The following THEMIS variants were observed in gnomAD, a reference collection of about 807,000 sequenced individuals.
The protein encoded by THEMIS is protein THEMIS.
Under a neutral mutation model 52.6 loss-of-function variants are expected in THEMIS, and 37 were observed. The observed-to-expected ratio is 0.70, with a 90% CI of 0.54 to 0.93. The LOEUF (loss-of-function observed/expected upper bound fraction) is 0.93. Ranked by LOEUF, THEMIS falls within the 40% of genes least tolerant of loss-of-function variation. The probability of loss-of-function intolerance (pLI) is 0.00; values close to 1 mark genes in which losing one functional copy is unlikely to be tolerated. For synonymous variants in THEMIS, 292 were observed against 272.7 expected, an observed-to-expected ratio of 1.07 and a Z score of -0.70; for missense variants, 808 against 763.1, an observed-to-expected ratio of 1.06 and a Z score of -0.69.
intron 1 of THEMIS, among the ~76,000 whole-genome samples, chr6:127,859,489 GT>G (rs144597143): frequency 0.06 from 9,126 of 151,886 alleles, 375 homozygotes; most frequent in Non-Finnish European, 0.093. Context: ...TAGTAAAACA[GT>G]TTTTTTTATC....
intron 4 of THEMIS, among the ~76,000 whole-genome samples, chr6:127,766,393 T>C (rs1222939202): frequency 6.6e-6 from 1 of 152,196 alleles, no homozygotes. Context: ...TTTAAACATG[T>C]TTAATTTGAT....
At chr6:127,806,332 T>C (rs1333228317) in intron 4 of THEMIS, among the ~76,000 whole-genome samples, 1 of 152,192 alleles carries the variant, frequency 6.6e-6, no homozygotes, top group East Asian at 1.9e-4. Context: ...GCTAAAAAAG[T>C]AATACTCAGT....
rs201461312 is a variant in THEMIS, at chr6:127,877,884, C to CA, written c.92-22697dup. Among the ~76,000 whole-genome samples, 534 of 150,082 alleles carry CA rather than the reference C, an allele frequency of 3.6e-3. 4 individuals are homozygous for CA. Among genetic ancestry groups the CA allele is most frequent in the Non-Finnish European group, 3.5e-3 (239 of 67,474 alleles). Reference sequence around the variant, plus strand: ...AAAAGCAATATTTACTTGTGAAGCACAAAAAAAAATGAAGTATGCCTGTAT... The same window carrying CA: ...AAAAGCAATATTTACTTGTGAAGCACAAAAAAAAAATGAAGTATGCCTGTAT... On this transcript the variant is annotated intron_variant, in intron 1 of 5. Coordinates refer to ENST00000368248, the MANE Select transcript of THEMIS (RefSeq NM_001010923.3).
chr6:127,816,054 C>A (rs1778122235), intron 3 of THEMIS, among the ~76,000 whole-genome samples: 1 of 152,150 alleles, frequency 6.6e-6, no homozygotes. Flanking sequence ...TACTTCTGTG[C>A]CTAAATCCAC....
intron 4 of THEMIS, among the ~76,000 whole-genome samples, chr6:127,747,937 T>C (rs1230125974): frequency 1.3e-4 from 19 of 151,980 alleles, no homozygotes; most frequent in Admixed American, 1.1e-3. Flanking sequence ...TAACTGTAAA[T>C]GAAGAAAGGA....
chr6:127,810,144 C>A (rs558590560), intron 4 of THEMIS, among the ~76,000 whole-genome samples: 79 of 152,126 alleles, frequency 5.2e-4, no homozygotes, highest in South Asian at 1.2e-3. Flanking sequence ...CCTAATAAAA[C>A]ACTTAGATCA....
chr6:127,911,401 G>A (rs1189990967), intron 1 of THEMIS, among the ~76,000 whole-genome samples: 1 of 149,736 alleles, frequency 6.7e-6, no homozygotes, highest in African/African-American at 2.5e-5. Context: ...TATCAGCATG[G>A]GTTTATGGAT....
At chr6:127,868,666 T>C (rs367849154) in intron 1 of THEMIS, among the ~76,000 whole-genome samples, 3 of 152,154 alleles carry the variant, frequency 2.0e-5, no homozygotes, top group Admixed American at 6.5e-5. Flanking sequence ...ATATTGTGTA[T>C]AGATGTATCT....
intron 2 of THEMIS, among the ~76,000 whole-genome samples, chr6:127,842,247 G>A (rs1376796744): frequency 2.0e-5 from 3 of 151,934 alleles, no homozygotes; most frequent in Admixed American, 6.6e-5. Flanking sequence ...CATTTCAATA[G>A]TAGATGAAAA....
intron 5 of THEMIS, among the ~76,000 whole-genome samples, chr6:127,716,761 C>A (rs985355962): frequency 2.6e-5 from 4 of 151,886 alleles, no homozygotes; most frequent in African/African-American, 9.7e-5. Flanking sequence ...TAAAAATAGA[C>A]CTTAAGCTGA....
intron 4 of THEMIS, among the ~76,000 whole-genome samples, chr6:127,789,638 C>G (rs1206988761): frequency 6.6e-6 from 1 of 152,126 alleles, no homozygotes; most frequent in Admixed American, 6.5e-5. Context: ...ATAATACTGG[C>G]AAACCAAATC....
chr6:127,739,501 T>C (rs1235714597), intron 4 of THEMIS, among the ~76,000 whole-genome samples: 2 of 151,684 alleles, frequency 1.3e-5, no homozygotes, highest in East Asian at 3.9e-4. Flanking sequence ...ATTAGCCGGG[T>C]GTGGTGGCGG....
intron 4 of THEMIS, among the ~76,000 whole-genome samples, chr6:127,775,162 G>A (rs555147110): frequency 2.4e-4 from 37 of 152,270 alleles, no homozygotes; most frequent in Admixed American, 2.4e-3. Context: ...AGCACACCAT[G>A]AACTCTTTAA....
intron 1 of THEMIS, among the ~76,000 whole-genome samples, chr6:127,869,227 T>C (rs1780079978): frequency 6.6e-6 from 1 of 152,222 alleles, no homozygotes; most frequent in Admixed American, 6.5e-5. Flanking sequence ...AAGTTAAAAA[T>C]ATCTTAAGTT....
Position 127,812,950 on chromosome 6 carries a change from T to A in THEMIS, c.1691A>T (p.Glu564Val). 1 of 1,614,028 alleles carries A rather than the reference T, an allele frequency of 6.2e-7. No homozygotes were observed. Among genetic ancestry groups the A allele is most frequent in the Non-Finnish European group, 8.5e-7 (1 of 1,179,984 alleles). The change falls in exon 4 of 6, where the codon GAG (glutamate) becomes GTG (valine). Residue 564 changes from glutamate to valine, a missense_variant. Transcript: ENST00000368248. ...PPRPPKHPSVEETKLTLLTLA... is the reference protein window; with the variant it reads ...PPRPPKHPSVVETKLTLLTLA... ...GGTTAGCAGGGTTAACTTTGTTTCC[T>A]CTACTGAGGGGTGTTTCGGAGGGCG...
At chr6:127,916,896 A>G (rs1781538802) in intron 1 of THEMIS, among the ~76,000 whole-genome samples, 1 of 152,230 alleles carries the variant, frequency 6.6e-6, no homozygotes, top group Non-Finnish European at 1.5e-5. Flanking sequence ...TTAAAAACAC[A>G]CTAAAAGTAA....
intron 1 of THEMIS, among the ~76,000 whole-genome samples, chr6:127,894,151 G>A (rs1029074367): frequency 1.3e-5 from 2 of 151,990 alleles, no homozygotes; most frequent in African/African-American, 4.8e-5. Flanking sequence ...AATAAGCAGT[G>A]AGAGAAATAA....
intron 4 of THEMIS, among the ~76,000 whole-genome samples, chr6:127,739,719 GT>G (rs1436595552): frequency 6.6e-6 from 1 of 152,198 alleles, no homozygotes; most frequent in Non-Finnish European, 1.5e-5. Flanking sequence ...GAACCAGCCA[GT>G]TGGGAGGAGG....
At chr6:127,795,287 C>G (rs1219747813) in intron 4 of THEMIS, among the ~76,000 whole-genome samples, 2 of 152,146 alleles carry the variant, frequency 1.3e-5, no homozygotes, top group African/African-American at 4.8e-5. Context: ...AATTAATATG[C>G]TTAATATAAT....
Sources: allele counts gnomAD v4.1 joint callset (sites outside exome capture counted in the v4.1 genomes callset), GRCh38; gene constraint gnomAD v4.1.1; transcripts MANE v1.5; gene names NCBI Gene and HGNC (gene_info 2026-07-23, HGNC 2026-07-21).